Variants in ADAM32 observed in about 807,000 individuals in gnomAD.
ADAM32 encodes ADAM metallopeptidase domain 32, also known as disintegrin and metalloproteinase domain-containing protein 32.
A neutral mutation model predicts 114.9 loss-of-function variants in ADAM32; 89 were observed. That is an observed-to-expected ratio of 0.77 (90% confidence interval 0.65 to 0.92). The LOEUF (loss-of-function observed/expected upper bound fraction) is 0.92. Ranked by LOEUF, ADAM32 falls within the 40% of genes least tolerant of loss-of-function variation. The probability of loss-of-function intolerance (pLI) is 0.00; values close to 1 mark genes in which losing one functional copy is unlikely to be tolerated. For synonymous variants in ADAM32, 285 were observed against 307.5 expected, an observed-to-expected ratio of 0.93 and a Z score of 0.77; for missense variants, 870 against 932.8, an observed-to-expected ratio of 0.93 and a Z score of 0.88.
chr8:39,133,482 A>C (rs796334435), intron 2 of ADAM32, among the ~76,000 whole-genome samples: 1 of 152,250 alleles, frequency 6.6e-6, no homozygotes, highest in African/African-American at 2.4e-5. Flanking sequence ...CAGGCAAGCC[A>C]GTCTACAGTG....
At chr8:39,185,346 A>AAAAAAC (rs1554609614) in intron 10 of ADAM32, among the ~76,000 whole-genome samples, 26 of 146,546 alleles carry the variant, frequency 1.8e-4, no homozygotes, top group East Asian at 6.0e-4. Flanking sequence ...AGTCTACAAA[A>AAAAAAC]AAAAAACAAA....
intron 19 of ADAM32, among the ~76,000 whole-genome samples, chr8:39,260,902 T>G (rs1199388608): frequency 6.6e-6 from 1 of 152,112 alleles, no homozygotes; most frequent in East Asian, 1.9e-4. Flanking sequence ...TTGGGAGATT[T>G]TTTTTTAATT....
intron 10 of ADAM32, among the ~76,000 whole-genome samples, chr8:39,171,129 T>G (rs1805163098): frequency 1.3e-5 from 2 of 152,178 alleles, no homozygotes; most frequent in African/African-American, 2.4e-5. Flanking sequence ...AAAGAAGGGT[T>G]TTGAACATGT....
chr8:39,208,412 G>T (rs1807990852), intron 11 of ADAM32, among the ~76,000 whole-genome samples: 1 of 151,882 alleles, frequency 6.6e-6, no homozygotes, highest in East Asian at 1.9e-4. Flanking sequence ...CAATATCTTT[G>T]GCTTTTAATC....
Position 39,145,195 on chromosome 8 carries a change from G to A in ADAM32, c.201-1935G>A, listed in dbSNP as rs10107940. On this transcript the variant is annotated intron_variant, in intron 3 of 24. Coordinates refer to ENST00000379907, the MANE Select transcript of ADAM32 (RefSeq NM_145004.7). ...CAAATATATGGAAAGAACATGGATT[G>A]GAAGAGTTAATATTGTTAAAATGTC... Among the ~76,000 whole-genome samples the A allele has an allele frequency of 2.0e-3, 299 of 152,194 alleles. 1 individual carries two copies. Among genetic ancestry groups the A allele is most frequent in the African/African-American group, 6.4e-3 (267 of 41,512 alleles).
intron 10 of ADAM32, among the ~76,000 whole-genome samples, chr8:39,183,596 G>A (rs1806047249): frequency 6.6e-6 from 1 of 152,140 alleles, no homozygotes; most frequent in Non-Finnish European, 1.5e-5. Flanking sequence ...CAAGCCTAAT[G>A]GCTATGGGGG....
chr8:39,122,286 T>C (rs1184247788), intron 2 of ADAM32, among the ~76,000 whole-genome samples: 4 of 152,166 alleles, frequency 2.6e-5, no homozygotes, highest in African/African-American at 7.2e-5. Flanking sequence ...GCCAAATCCA[T>C]ATGTTGAAAA....
chr8:39,157,273 T>G (rs1804204671), intron 6 of ADAM32, among the ~76,000 whole-genome samples: 1 of 152,228 alleles, frequency 6.6e-6, no homozygotes, highest in African/African-American at 2.4e-5. Flanking sequence ...GTGTGAATTC[T>G]TTTGAGTTTA....
At chr8:39,231,229 G>T (rs547412567) in intron 14 of ADAM32, among the ~76,000 whole-genome samples, 13 of 152,266 alleles carry the variant, frequency 8.5e-5, no homozygotes, top group African/African-American at 3.1e-4. Context: ...TTCTCCTGTG[G>T]GTTTAGAGGA....
At chr8:39,238,081 T>G (rs1487335913) in intron 16 of ADAM32, among the ~76,000 whole-genome samples, 1 of 152,246 alleles carries the variant, frequency 6.6e-6, no homozygotes, top group Non-Finnish European at 1.5e-5. Context: ...GTCCTGAGTC[T>G]GTCCACATAA....
At chr8:39,246,887 A>G (rs564525242) in intron 17 of ADAM32, among the ~76,000 whole-genome samples, 1 of 152,182 alleles carries the variant, frequency 6.6e-6, no homozygotes, top group South Asian at 2.1e-4. Context: ...CTTGGCAACC[A>G]CTTATCTTAT....
chr8:39,175,303 T>C (rs992933221), intron 10 of ADAM32, among the ~76,000 whole-genome samples: 9 of 152,234 alleles, frequency 5.9e-5, no homozygotes, highest in African/African-American at 1.9e-4. Flanking sequence ...CCATTCAGTA[T>C]GACATTGGCT....
chr8:39,179,636 G>A (rs1024044619), intron 10 of ADAM32, among the ~76,000 whole-genome samples: 2 of 152,126 alleles, frequency 1.3e-5, no homozygotes, highest in Admixed American at 6.5e-5. Context: ...AGAAAAGCAC[G>A]GTTTTCAAGG....
At chr8:39,221,536 C>T (rs146642622) in intron 12 of ADAM32, 74 bp from the exon 13 acceptor site, 3 of 1,182,604 alleles carry the variant, frequency 2.5e-6, no homozygotes, top group East Asian at 5.0e-5. Flanking sequence ...GTAAGCCCAT[C>T]AAAATATAAC....
intron 22 of ADAM32, among the ~76,000 whole-genome samples, chr8:39,278,582 T>G (rs548999577): frequency 1.1e-4 from 17 of 152,170 alleles, no homozygotes; most frequent in African/African-American, 4.1e-4. Flanking sequence ...CCCATATTAT[T>G]GTCATTTGGC....
chr8:39,123,276 G>A (rs1016510512), intron 2 of ADAM32, among the ~76,000 whole-genome samples: 30 of 152,186 alleles, frequency 2.0e-4, no homozygotes, highest in African/African-American at 7.0e-4. Flanking sequence ...TTTGGAATTG[G>A]GTAGTGTAAA....
intron 1 of ADAM32, among the ~76,000 whole-genome samples, chr8:39,115,914 A>G (rs761861866): frequency 6.6e-6 from 1 of 152,068 alleles, no homozygotes; most frequent in Admixed American, 6.5e-5. Flanking sequence ...TGCATTGGTT[A>G]TTGAATATGG....
chr8:39,117,594 C>T (rs1840430034), intron 1 of ADAM32, among the ~76,000 whole-genome samples: 1 of 151,846 alleles, frequency 6.6e-6, no homozygotes, highest in Non-Finnish European at 1.5e-5. Context: ...ACATTAAATA[C>T]TGTGGTAAAA....
intron 11 of ADAM32, among the ~76,000 whole-genome samples, chr8:39,202,502 T>C (rs1013338769): frequency 2.8e-4 from 42 of 152,220 alleles, no homozygotes; most frequent in Non-Finnish European, 5.4e-4. Flanking sequence ...ATTGCGTCTA[T>C]TTGATTCTTC....
Sources: gnomAD v4.1 joint callset for allele counts (sites outside exome capture counted in the v4.1 genomes callset) on GRCh38, gnomAD v4.1.1 for gene constraint, MANE v1.5 for transcripts, NCBI Gene and HGNC (gene_info 2026-07-23, HGNC 2026-07-21) for gene names.